The following PEX5L variants were observed in gnomAD, a reference collection of about 807,000 sequenced individuals.
PEX5L encodes PEX5-related protein.
In PEX5L, 30 loss-of-function variants were observed where a neutral mutation model predicts 84.0. The observed-to-expected ratio is 0.36, with a 90% confidence interval of 0.27 to 0.48. The LOEUF (loss-of-function observed/expected upper bound fraction) is 0.48, where lower values mean the gene tolerates loss of function less well. Ranked by LOEUF, PEX5L falls within the 20% of genes least tolerant of loss-of-function variation. PEX5L has a pLI of 0.99. For missense variants in PEX5L, 533 were observed against 754.6 expected, an observed-to-expected ratio of 0.71 and a Z score of 3.44; for synonymous variants, 270 against 283.1, an observed-to-expected ratio of 0.95 and a Z score of 0.46.
intron 2 of PEX5L, among the ~76,000 whole-genome samples, chr3:179,913,163 A>G (rs1464293664): frequency 6.6e-6 from 1 of 152,096 alleles, no homozygotes; most frequent in Non-Finnish European, 1.5e-5. Flanking sequence ...ATTGTATGGT[A>G]TTTCTTCTGC....
chr3:179,832,171 C>A (rs1226412870), intron 8 of PEX5L, among the ~76,000 whole-genome samples: 1 of 151,828 alleles, frequency 6.6e-6, no homozygotes, highest in Non-Finnish European at 1.5e-5. Flanking sequence ...TTTGAGAGAT[C>A]TTTAATAGAA....
chr3:179,819,023 C>T (rs1727386422), intron 9 of PEX5L, among the ~76,000 whole-genome samples: 1 of 146,660 alleles, frequency 6.8e-6, no homozygotes. Context: ...AACTGTAGAA[C>T]TACAGTTCTT....
At chr3:179,846,794 C>A (rs1257472988) in intron 8 of PEX5L, among the ~76,000 whole-genome samples, 1 of 152,260 alleles carries the variant, frequency 6.6e-6, no homozygotes, top group East Asian at 1.9e-4. Context: ...ACCATCAGCT[C>A]TCCTGGTCCT....
chr3:179,838,907 T>C (rs551827560), intron 8 of PEX5L, among the ~76,000 whole-genome samples: 4 of 152,180 alleles, frequency 2.6e-5, no homozygotes, highest in Non-Finnish European at 5.9e-5. Flanking sequence ...TGCTCTCCAA[T>C]GACAGGCTTT....
chr3:179,911,525 GAATTC>G (rs1765173375), intron 2 of PEX5L, among the ~76,000 whole-genome samples: 2 of 152,156 alleles, frequency 1.3e-5, no homozygotes, highest in South Asian at 4.1e-4. Flanking sequence ...GTAAAAGTAA[GAATTC>G]AATACGCTCT....
At chr3:179,836,909 T>C (rs1413713876) in intron 8 of PEX5L, among the ~76,000 whole-genome samples, 5 of 152,216 alleles carry the variant, frequency 3.3e-5, no homozygotes, top group African/African-American at 1.2e-4. Flanking sequence ...TCACTATTCA[T>C]GCTGCAGTTA....
intron 8 of PEX5L, among the ~76,000 whole-genome samples, chr3:179,829,909 T>C (rs1412283309): frequency 6.6e-6 from 1 of 150,482 alleles, no homozygotes; most frequent in African/African-American, 2.4e-5. Flanking sequence ...CCTGAGTAGC[T>C]GGAATTACAG....
At chr3:180,033,611 G>A (rs530848551) in intron 1 of PEX5L, among the ~76,000 whole-genome samples, 3 of 152,300 alleles carry the variant, frequency 2.0e-5, no homozygotes, top group Admixed American at 2.0e-4. Context: ...ACATACAGAG[G>A]TATTGGTGGA....
chr3:179,943,050 C>T (rs1415648631), intron 2 of PEX5L, among the ~76,000 whole-genome samples: 2 of 152,118 alleles, frequency 1.3e-5, no homozygotes, highest in Non-Finnish European at 2.9e-5. Context: ...AATCAAATGA[C>T]GTAACATATA....
At chr3:179,921,369 G>A (rs1237353484) in intron 2 of PEX5L, among the ~76,000 whole-genome samples, 1 of 152,146 alleles carries the variant, frequency 6.6e-6, no homozygotes, top group Non-Finnish European at 1.5e-5. Flanking sequence ...AGGTGCTTAA[G>A]GAACTCGCAG....
In PEX5L at chr3:179,988,894, G is replaced by A. The variant is rs576645501; in HGVS notation, c.22-17229C>T. 6.3e-4 allele frequency among the ~76,000 whole-genome samples: 96 copies of A among 152,230 alleles called. 3 individuals are homozygous for A. In the South Asian group the frequency reaches 0.019, roughly 30 times the overall value. ...TGGGCATTGTAAAGAAATAAACTTG[G>A]ATATATATTCAAGTGCCATTTTTGG... On this transcript the variant is annotated intron_variant, in intron 1 of 14. Coordinates refer to ENST00000467460, the MANE Select transcript of PEX5L (RefSeq NM_016559.3).
At chr3:179,925,761 T>C (rs972211428) in intron 2 of PEX5L, among the ~76,000 whole-genome samples, 9 of 152,262 alleles carry the variant, frequency 5.9e-5, no homozygotes, top group Non-Finnish European at 1.3e-4. Context: ...CAATATTCTA[T>C]GCCAGTATTA....
intron 1 of PEX5L, among the ~76,000 whole-genome samples, chr3:180,030,662 T>C (rs1791369850): frequency 6.6e-6 from 1 of 152,206 alleles, no homozygotes; most frequent in South Asian, 2.1e-4. Flanking sequence ...GGGGATTTTG[T>C]GACTCCCTAG....
At chr3:179,916,835 A>G (rs989521197) in intron 2 of PEX5L, among the ~76,000 whole-genome samples, 3 of 151,750 alleles carry the variant, frequency 2.0e-5, no homozygotes, top group Admixed American at 6.6e-5. Flanking sequence ...ACTCCCGGTG[A>G]ATTTTTGTAT....
In PEX5L at chr3:179,797,746, G is replaced by A. The variant is rs1422993893; in HGVS notation, c.*4082C>T. The A allele has an allele frequency of 6.6e-6, 1 of 151,696 alleles. No individual in the cohort carries two copies. Among genetic ancestry groups the A allele is most frequent in the Non-Finnish European group, 1.5e-5 (1 of 67,940 alleles). The allele number at this position is 151,696 out of a possible 1,614,324, so 9.4% of individuals were successfully genotyped here. ...AATGAATTTGAAATTATTTTACAAG[G>A]TTGAAATCATAAGTGTGCACGTGTA... On this transcript the variant is annotated 3_prime_UTR_variant, in exon 15 of 15. Coordinates refer to ENST00000467460, the MANE Select transcript of PEX5L (RefSeq NM_016559.3).
chr3:179,979,101 G>T (rs187917800), intron 1 of PEX5L, among the ~76,000 whole-genome samples: 8 of 152,248 alleles, frequency 5.3e-5, no homozygotes, highest in African/African-American at 1.7e-4. Context: ...ACAGTACTTG[G>T]CTGGCATATT....
At chr3:179,948,448 G>C (rs974721759) in intron 2 of PEX5L, among the ~76,000 whole-genome samples, 1 of 152,158 alleles carries the variant, frequency 6.6e-6, no homozygotes. Flanking sequence ...AATTATCAGG[G>C]GGAAAATTAG....
At chr3:179,988,025 C>A (rs13090261) in intron 1 of PEX5L, among the ~76,000 whole-genome samples, 24,047 of 152,004 alleles carry the variant, frequency 0.16, 2,238 homozygotes, top group Admixed American at 0.24. Flanking sequence ...TACCTGAAGA[C>A]CAGACGATCT....
intron 1 of PEX5L, among the ~76,000 whole-genome samples, chr3:179,975,661 G>C (rs1170313496): frequency 6.6e-6 from 1 of 152,116 alleles, no homozygotes; most frequent in Non-Finnish European, 1.5e-5. Context: ...GCTACAAGAA[G>C]AAAAGACCTT....
Sources: allele counts gnomAD v4.1 joint callset (sites outside exome capture counted in the v4.1 genomes callset), GRCh38; gene constraint gnomAD v4.1.1; transcripts MANE v1.5; gene names NCBI Gene and HGNC (gene_info 2026-07-23, HGNC 2026-07-21).